The following EML6 variants were observed in gnomAD, a reference collection of about 807,000 sequenced individuals.
EML6 encodes echinoderm microtubule-associated protein-like 6.
A neutral mutation model predicts 240.1 loss-of-function variants in EML6; 154 were observed. The ratio of observed to expected loss-of-function variants is 0.64; its 90% CI spans 0.56 to 0.73. The LOEUF (loss-of-function observed/expected upper bound fraction) is 0.73, where lower values mean the gene tolerates loss of function less well. Ranked by LOEUF, EML6 falls within the 30% of genes least tolerant of loss-of-function variation. The pLI is 0.00. For synonymous variants in EML6, 1,148 were observed against 899.0 expected (o/e 1.28, Z -4.95); for missense variants, 2,964 against 2,474.6 (o/e 1.20, Z -4.20).
At chr2:54,965,177 C>G (rs1676693040) in intron 38 of EML6, among the ~76,000 whole-genome samples, 1 of 152,154 alleles carries the variant, frequency 6.6e-6, no homozygotes, top group African/African-American at 2.4e-5. Context: ...TCCCTGGGTC[C>G]CAGGGGAACT....
At chr2:54,844,002 G>GTGTGTGTT in intron 7 of EML6, 45 bp from the exon 8 acceptor site, 1 of 1,233,520 alleles carries the variant, frequency 8.1e-7, no homozygotes, top group Non-Finnish European at 1.2e-6. Context: ...GTGTGTGTGT[G>GTGTGTGTT]TGAATAGTGT....
intron 2 of EML6, among the ~76,000 whole-genome samples, chr2:54,736,415 C>G (rs1683393387): frequency 1.3e-5 from 2 of 152,186 alleles, no homozygotes; most frequent in Admixed American, 1.3e-4. Flanking sequence ...TCTAACCAGA[C>G]ATGTGACTTT....
chr2:54,827,385 T>G (rs980968922), intron 5 of EML6, among the ~76,000 whole-genome samples, 181 bp from the exon 6 acceptor site: 9 of 152,260 alleles, frequency 5.9e-5, no homozygotes, highest in African/African-American at 1.9e-4. Context: ...CTTATGTTCC[T>G]GGTAGTTAGC....
chr2:54,785,595 C>A (rs888317382), intron 2 of EML6, among the ~76,000 whole-genome samples: 8 of 152,180 alleles, frequency 5.3e-5, no homozygotes, highest in Non-Finnish European at 5.9e-5. Flanking sequence ...TTTAATACTG[C>A]ATCTTTATAT....
intron 2 of EML6, among the ~76,000 whole-genome samples, chr2:54,728,414 C>A (rs1445570267): frequency 6.6e-6 from 1 of 152,182 alleles, no homozygotes. Flanking sequence ...TGGCTAGTTC[C>A]CTGTCTCCAG....
chr2:54,843,599 C>T (rs528987580), intron 7 of EML6, among the ~76,000 whole-genome samples: 1 of 152,166 alleles, frequency 6.6e-6, no homozygotes, highest in East Asian at 1.9e-4. Flanking sequence ...AAACCCAGCA[C>T]TTTGGGAGTC....
At chr2:54,888,015 C>A (rs9309259) in intron 17 of EML6, among the ~76,000 whole-genome samples, 1 of 152,120 alleles carries the variant, frequency 6.6e-6, no homozygotes, top group Non-Finnish European at 1.5e-5. Flanking sequence ...TTTCATGTAG[C>A]GTTACCAAGC....
intron 8 of EML6, among the ~76,000 whole-genome samples, chr2:54,845,859 G>C (rs538869096): frequency 1.3e-5 from 2 of 152,278 alleles, no homozygotes; most frequent in African/African-American, 4.8e-5. Context: ...ACTTATTCTT[G>C]TCTGTCTGTT....
chr2:54,928,781 A>G (rs1174878030), intron 28 of EML6, 30 bp downstream of exon 28: 4 of 1,551,332 alleles, frequency 2.6e-6, no homozygotes, highest in Admixed American at 3.9e-5. Flanking sequence ...GCTTGCTTTT[A>G]TTATACCTGA....
chr2:54,789,109 T>C (rs1383304303), intron 2 of EML6, among the ~76,000 whole-genome samples: 1 of 152,252 alleles, frequency 6.6e-6, no homozygotes, highest in African/African-American at 2.4e-5. Flanking sequence ...TTCAGCACTT[T>C]GGTTTTATTC....
intron 2 of EML6, among the ~76,000 whole-genome samples, chr2:54,737,111 C>T (rs1227260246): frequency 1.3e-5 from 2 of 152,060 alleles, no homozygotes; most frequent in Non-Finnish European, 2.9e-5. Context: ...GAGGTAACAG[C>T]TTTGTGTCAC....
intron 28 of EML6, among the ~76,000 whole-genome samples, chr2:54,938,543 A>G (rs1339603065): frequency 1.3e-5 from 2 of 152,150 alleles, no homozygotes; most frequent in South Asian, 2.1e-4. Context: ...CCTGAAACAC[A>G]TACCCAAATG....
At chr2:54,967,334 A>G (rs1350865073) in intron 39 of EML6, 2 of 307,836 alleles carry the variant, frequency 6.5e-6, no homozygotes, top group Non-Finnish European at 1.2e-5. Flanking sequence ...AATTTCTTCT[A>G]CAAGTCTCCA....
At chr2:54,745,832 C>T (rs1459110950) in intron 2 of EML6, among the ~76,000 whole-genome samples, 1 of 152,082 alleles carries the variant, frequency 6.6e-6, no homozygotes, top group Non-Finnish European at 1.5e-5. Flanking sequence ...TTCCCTTTAA[C>T]TACTGAGGAG....
intron 13 of EML6, among the ~76,000 whole-genome samples, chr2:54,864,464 C>A (rs1393897950): frequency 2.0e-5 from 3 of 152,238 alleles, no homozygotes; most frequent in African/African-American, 7.2e-5. Context: ...GTTGACATAT[C>A]ATTTTAGCAC....
chr2:54,749,091 T>G (rs1234529520), intron 2 of EML6, among the ~76,000 whole-genome samples: 1 of 152,176 alleles, frequency 6.6e-6, no homozygotes, highest in Admixed American at 6.5e-5. Flanking sequence ...ACAAATTGCC[T>G]TTCAAAAAGA....
In EML6 at chr2:54,891,160, G is replaced by T. The variant is rs980647985; in HGVS notation, c.2539+6G>T. 27 of 1,404,922 alleles carry T rather than the reference G, an allele frequency of 1.9e-5. No homozygotes were observed. The East Asian group carries it at 4.0e-4, about 21-fold the overall frequency. 87.0% of individuals were successfully genotyped at this position (1,404,922 alleles called of 1,614,324 possible). A position where few individuals can be genotyped will look rare whatever the true frequency, so the allele number is the denominator to read the frequency against. ...CAAATTCTGGCAACAAGCAGGTACTGTCGTTTGGGTTTATCATTTATGTGA... is the reference window on the plus strand; with the variant it reads ...CAAATTCTGGCAACAAGCAGGTACTTTCGTTTGGGTTTATCATTTATGTGA... On this transcript the variant is annotated splice_donor_region_variant and intron_variant, in intron 18 of 41. Coordinates refer to ENST00000356458, the MANE Select transcript of EML6 (RefSeq NM_001039753.4).
At chr2:54,863,198 T>C (rs780006464) in intron 12 of EML6, among the ~76,000 whole-genome samples, 10 of 152,244 alleles carry the variant, frequency 6.6e-5, no homozygotes, top group Non-Finnish European at 1.2e-4. Context: ...AAAGAGGATC[T>C]GTATTGAAGT....
At chr2:54,855,583 A>G (rs992886968) in intron 11 of EML6, among the ~76,000 whole-genome samples, 8 of 151,930 alleles carry the variant, frequency 5.3e-5, no homozygotes, top group African/African-American at 1.9e-4. Context: ...TACATAAAAA[A>G]CAGCTCTTTG....
Sources: allele counts gnomAD v4.1 joint callset (sites outside exome capture counted in the v4.1 genomes callset), GRCh38; gene constraint gnomAD v4.1.1; transcripts MANE v1.5; gene names NCBI Gene and HGNC (gene_info 2026-07-23, HGNC 2026-07-21).